The following CMSS1 variants were observed in gnomAD, a reference collection of about 807,000 sequenced individuals.
CMSS1 encodes the protein protein CMSS1.
A neutral mutation model predicts 43.5 loss-of-function variants in CMSS1; 33 were observed. The ratio of observed to expected loss-of-function variants is 0.76; its 90% CI spans 0.57 to 1.01. The LOEUF (loss-of-function observed/expected upper bound fraction) is 1.01, where lower values mean the gene tolerates loss of function less well. CMSS1 is among the 50% of genes least tolerant of loss of function. The probability of loss-of-function intolerance (pLI) is 0.00; values close to 1 mark genes in which losing one functional copy is unlikely to be tolerated. For missense variants in CMSS1, 313 were observed against 326.4 expected, an observed-to-expected ratio of 0.96 and a Z score of 0.32; for synonymous variants, 115 against 117.2, an observed-to-expected ratio of 0.98 and a Z score of 0.12.
chr3:99,845,122 T>C (rs1943303741), intron 1 of CMSS1, among the ~76,000 whole-genome samples: 1 of 152,202 alleles, frequency 6.6e-6, no homozygotes, highest in African/African-American at 2.4e-5. Flanking sequence ...TTTATCATGA[T>C]CTTGATTGAA....
At position 100,178,296 on chromosome 3, in the gene CMSS1, CTCATTTAGATAAGAAAGGA is replaced by C; in HGVS notation, c.757-8_767del. On this transcript the variant is annotated splice_acceptor_variant and splice_polypyrimidine_tract_variant and coding_sequence_variant and intron_variant, in exon 10 of 10. Coordinates refer to ENST00000421999, the MANE Select transcript of CMSS1 (RefSeq NM_032359.4). LOFTEE classifies it high-confidence loss of function. ...TTAATCTTTTTTTCCCCCCTTTTCT[CTCATTTAGATAAGAAAGGA>C]GGTATTCGAACTTCTGGAAATGGGA... The C allele has an allele frequency of 6.3e-7, 1 of 1,585,376 alleles. No homozygotes were observed.
At chr3:99,934,315 C>A (rs2107667322) in intron 1 of CMSS1, among the ~76,000 whole-genome samples, 1 of 152,292 alleles carries the variant, frequency 6.6e-6, no homozygotes, top group Middle Eastern at 3.4e-3. Flanking sequence ...TTCACCACAC[C>A]CACAGATTCA....
chr3:99,922,156 C>T (rs532305525), intron 1 of CMSS1, among the ~76,000 whole-genome samples: 10 of 152,258 alleles, frequency 6.6e-5, no homozygotes, highest in African/African-American at 2.2e-4. Flanking sequence ...ACACTCTGAC[C>T]GTGATCAGTA....
chr3:100,174,724 C>T (rs2107533916), intron 8 of CMSS1, among the ~76,000 whole-genome samples: 1 of 152,146 alleles, frequency 6.6e-6, no homozygotes, highest in East Asian at 1.9e-4. Context: ...GATGTTTATA[C>T]GTTTGATATA....
chr3:99,991,489 A>G (rs990715950), intron 1 of CMSS1, among the ~76,000 whole-genome samples: 2 of 152,126 alleles, frequency 1.3e-5, no homozygotes, highest in African/African-American at 4.8e-5. Flanking sequence ...GTACAAATGC[A>G]CATTTCTTAC....
At chr3:100,143,601 AT>A (rs2066822073) in intron 1 of CMSS1, among the ~76,000 whole-genome samples, 1 of 151,936 alleles carries the variant, frequency 6.6e-6, no homozygotes, top group African/African-American at 2.4e-5. Context: ...ATCTTTGCTG[AT>A]TTTCTATCTA....
chr3:99,825,383 A>G (rs924183396), intron 1 of CMSS1, among the ~76,000 whole-genome samples: 4 of 152,220 alleles, frequency 2.6e-5, no homozygotes, highest in Non-Finnish European at 4.4e-5. Context: ...GATGAATTTA[A>G]AAAGCAAGGG....
At chr3:100,163,314 T>G (rs2067040931) in intron 4 of CMSS1, among the ~76,000 whole-genome samples, 1 of 152,204 alleles carries the variant, frequency 6.6e-6, no homozygotes, top group Non-Finnish European at 1.5e-5. Context: ...GCTCTTATTA[T>G]GGATTTCTAG....
At chr3:99,995,126 C>T (rs1709639028) in intron 1 of CMSS1, among the ~76,000 whole-genome samples, 1 of 152,148 alleles carries the variant, frequency 6.6e-6, no homozygotes, top group Non-Finnish European at 1.5e-5. Flanking sequence ...AAGTCCCTTC[C>T]ACCTATGAGC....
chr3:100,123,257 G>A (rs2066636309), intron 1 of CMSS1, among the ~76,000 whole-genome samples: 2 of 152,218 alleles, frequency 1.3e-5, no homozygotes, highest in African/African-American at 4.8e-5. Flanking sequence ...AGCTAGAGGA[G>A]GAAGCGTTCA....
At chr3:99,858,694 T>G (rs893856830) in intron 1 of CMSS1, among the ~76,000 whole-genome samples, 3 of 152,168 alleles carry the variant, frequency 2.0e-5, no homozygotes, top group South Asian at 2.1e-4. Flanking sequence ...TCACACGTCA[T>G]GGAGCCTCTG....
chr3:100,120,493 T>C (rs977033573), intron 1 of CMSS1, among the ~76,000 whole-genome samples: 1 of 152,200 alleles, frequency 6.6e-6, no homozygotes, highest in Non-Finnish European at 1.5e-5. Context: ...TCCTTCTGTC[T>C]AAAAATGTTA....
intron 1 of CMSS1, among the ~76,000 whole-genome samples, chr3:100,138,574 A>G (rs1039777184): frequency 9.2e-5 from 14 of 152,374 alleles, no homozygotes; most frequent in Admixed American, 7.2e-4. Context: ...TGTGACCAAC[A>G]GACATATGAA....
intron 1 of CMSS1, among the ~76,000 whole-genome samples, chr3:100,018,337 AAAAG>A (rs1043819247): frequency 4.5e-4 from 68 of 152,244 alleles, no homozygotes; most frequent in African/African-American, 1.5e-3. Flanking sequence ...CAAACAGAAA[AAAAG>A]AAAGAAAGGT....
intron 2 of CMSS1, among the ~76,000 whole-genome samples, chr3:100,157,614 A>G (rs2066987042): frequency 6.6e-6 from 1 of 152,202 alleles, no homozygotes; most frequent in Non-Finnish European, 1.5e-5. Context: ...AGAGGAATTC[A>G]GTAGTCTCCT....
intron 1 of CMSS1, among the ~76,000 whole-genome samples, chr3:99,844,975 A>G (rs957665094): frequency 6.6e-6 from 1 of 152,194 alleles, no homozygotes; most frequent in African/African-American, 2.4e-5. Context: ...TTTCTTCTTG[A>G]TAAATTACCC....
At chr3:99,849,034 T>G in intron 1 of CMSS1, 1 of 1,614,078 alleles carries the variant, frequency 6.2e-7, no homozygotes, top group Non-Finnish European at 8.5e-7. Flanking sequence ...GGCATTGGGT[T>G]TAGTTTGCAT....
chr3:99,864,098 A>G (rs1052510308), intron 1 of CMSS1, among the ~76,000 whole-genome samples: 5 of 152,224 alleles, frequency 3.3e-5, no homozygotes, highest in Non-Finnish European at 7.3e-5. Context: ...GAAGACATAT[A>G]CTTTTGCTGT....
At chr3:99,851,174 T>C (rs949911546) in intron 1 of CMSS1, 1 of 948,784 alleles carries the variant, frequency 1.1e-6, no homozygotes, top group Non-Finnish European at 1.5e-6. Flanking sequence ...TTATATGAGC[T>C]GTGTCAGTTC....
Sources: gnomAD v4.1 joint callset for allele counts (sites outside exome capture counted in the v4.1 genomes callset) on GRCh38, gnomAD v4.1.1 for gene constraint, MANE v1.5 for transcripts, NCBI Gene and HGNC (gene_info 2026-07-23, HGNC 2026-07-21) for gene names.